RBM33: variants seen among roughly 807,000 people sequenced by gnomAD.
The protein encoded by RBM33 is RNA binding motif protein 33, also known as RNA-binding protein 33.
RBM33 carries 28 observed loss-of-function variants against 132.6 expected under a neutral mutation model. The ratio of observed to expected loss-of-function variants is 0.21; its 90% CI spans 0.16 to 0.29. The LOEUF is 0.29. RBM33 is among the 10% of genes least tolerant of loss of function. The pLI, the probability that RBM33 is intolerant of heterozygous loss-of-function variation, is 1.00. For missense variants in RBM33, 1,291 were observed against 1,518.5 expected, an observed-to-expected ratio of 0.85 and a Z score of 2.49; for synonymous variants, 634 against 593.0, an observed-to-expected ratio of 1.07 and a Z score of -1.01.
intron 3 of RBM33, among the ~76,000 whole-genome samples, chr7:155,673,571 C>A (rs865860767): frequency 3.6e-5 from 3 of 84,036 alleles, no homozygotes; most frequent in African/African-American, 1.1e-4. Flanking sequence ...CACACATATA[C>A]ATACACACGT....
At chr7:155,673,940 G>GTTGTTGTTTTTTTTTTGTTTTTT in intron 3 of RBM33, among the ~76,000 whole-genome samples, 12 of 54,198 alleles carry the variant, frequency 2.2e-4, no homozygotes, top group African/African-American at 9.1e-4. Flanking sequence ...TTTAGGCTTA[G>GTTGTTGTTTTTTTTTTGTTTTTT]TTTTTTTTTT....
chr7:155,719,459 T>C (rs1331699654), intron 9 of RBM33, among the ~76,000 whole-genome samples: 1 of 152,192 alleles, frequency 6.6e-6, no homozygotes, highest in East Asian at 1.9e-4. Context: ...AGAAATTTCT[T>C]TGACTTGTAG....
At chr7:155,648,958 G>C (rs961326389) in intron 1 of RBM33, among the ~76,000 whole-genome samples, 4 of 151,966 alleles carry the variant, frequency 2.6e-5, no homozygotes, top group African/African-American at 9.7e-5. Flanking sequence ...GCTTTTGATA[G>C]TGTGATCATA....
At chr7:155,735,438 C>T (rs943036748) in intron 9 of RBM33, among the ~76,000 whole-genome samples, 11 of 152,154 alleles carry the variant, frequency 7.2e-5, no homozygotes, top group Non-Finnish European at 1.5e-4. Context: ...GGTGTTGTGG[C>T]TCATGTCTGT....
chr7:155,767,232 A>G (rs897139761), intron 16 of RBM33, among the ~76,000 whole-genome samples: 2 of 152,254 alleles, frequency 1.3e-5, no homozygotes, highest in African/African-American at 4.8e-5. Context: ...AGGGTTTTCC[A>G]CGGAAACTCC....
At chr7:155,681,215 A>G (rs1799329234) in intron 5 of RBM33, among the ~76,000 whole-genome samples, 1 of 152,246 alleles carries the variant, frequency 6.6e-6, no homozygotes, top group Non-Finnish European at 1.5e-5. Context: ...TACTTAATGC[A>G]GAGCTTTTAT....
chr7:155,766,601 G>A lies in RBM33; in HGVS notation c.3321G>A (p.Ser1107=), dbSNP rs775477843. Residue 1107 remains serine (S), a synonymous_variant, in exon 16 of 18, where the codon TCG becomes TCA. Transcript: ENST00000401878. ...TGGTGTCTGTGGAGGGGCTGTCCTCGTCCACCACGGATGCCCAGCTGAAGA... is the reference window on the plus strand; with the variant it reads ...TGGTGTCTGTGGAGGGGCTGTCCTCATCCACCACGGATGCCCAGCTGAAGA... The part of the protein sequence containing the change: ...PCVVSVEGLS[S]STTDAQLKSL... 198 of 1,612,234 alleles carry A rather than the reference G, an allele frequency of 1.2e-4. 2 individuals are homozygous for A. The highest frequency in any genetic ancestry group is 1.6e-4 in the East Asian group (7 of 44,838).
Position 155,680,561 on chromosome 7 carries a change from CTTTT to C in RBM33, c.249-21_249-18del, listed in dbSNP as rs147986860. On this transcript the variant is annotated intron_variant, in intron 4 of 17. Transcript: ENST00000401878. ...TTTGAGCTCCTCTCTTCATTGGGTG[CTTTT>C]TTTTTTTATTTTCGTCCTCTCTAGT... 7 of 1,097,942 alleles carry C rather than the reference CTTTT, an allele frequency of 6.4e-6. No homozygotes were observed. In the South Asian group the frequency reaches 1.2e-4, roughly 19 times the overall value. The allele number at this position is 1,097,942 out of a possible 1,614,324, so 68.0% of individuals were successfully genotyped here. A position where few individuals can be genotyped will look rare whatever the true frequency, so the allele number is the denominator to read the frequency against.
intron 14 of RBM33, among the ~76,000 whole-genome samples, chr7:155,757,599 T>C (rs1430228233): frequency 6.6e-6 from 1 of 152,126 alleles, no homozygotes; most frequent in Non-Finnish European, 1.5e-5. Context: ...CCAGCGCTTA[T>C]TGTGTGACTG....
intron 1 of RBM33, 42 bp downstream of exon 1, chr7:155,644,961 C>G: frequency 1.4e-6 from 2 of 1,446,562 alleles, no homozygotes; most frequent in African/African-American, 1.5e-5. Flanking sequence ...GACCGCGCCG[C>G]GGTGGGCGGG....
intron 6 of RBM33, among the ~76,000 whole-genome samples, chr7:155,706,089 G>A (rs924452876): frequency 6.6e-5 from 10 of 152,156 alleles, no homozygotes; most frequent in East Asian, 5.8e-4. Context: ...GTGTTCTTGC[G>A]TCTATGTGCC....
chr7:155,748,942 G>A (rs150779520), intron 14 of RBM33, among the ~76,000 whole-genome samples: 14 of 152,202 alleles, frequency 9.2e-5, no homozygotes, highest in Non-Finnish European at 1.9e-4. Context: ...TTGGCATTGC[G>A]TTTTGCCGTT....
chr7:155,730,071 A>G (rs1257642518), intron 9 of RBM33, among the ~76,000 whole-genome samples: 1 of 152,210 alleles, frequency 6.6e-6, no homozygotes, highest in African/African-American at 2.4e-5. Context: ...ACAAACAGGC[A>G]TTTCATTCAT....
In RBM33 at chr7:155,749,241, T is replaced by A. The variant is rs564888713; in HGVS notation, c.2979+3639T>A. On this transcript the variant is annotated intron_variant, in intron 14 of 17. Coordinates refer to ENST00000401878, the MANE Select transcript of RBM33 (RefSeq NM_053043.3). ...ATAACTTCCCATTTTCTTTGTAGAATGCTTCTAAGGCCCCTTTTAGAAATA... is the reference window on the plus strand; with the variant it reads ...ATAACTTCCCATTTTCTTTGTAGAAAGCTTCTAAGGCCCCTTTTAGAAATA... 2.6e-5 allele frequency among the ~76,000 whole-genome samples: 4 copies of A among 152,362 alleles called. No homozygotes were observed. The East Asian group carries it at 7.7e-4, about 29-fold the overall frequency.
intron 14 of RBM33, among the ~76,000 whole-genome samples, chr7:155,751,501 C>T: frequency 6.6e-6 from 1 of 152,232 alleles, no homozygotes; most frequent in East Asian, 1.9e-4. Context: ...CAGGATCATG[C>T]ATTATATTCA....
At chr7:155,744,283 G>A (rs1801445708) in intron 13 of RBM33, among the ~76,000 whole-genome samples, 2 of 152,136 alleles carry the variant, frequency 1.3e-5, no homozygotes, top group South Asian at 4.1e-4. Flanking sequence ...TTCCCTATTG[G>A]ATGCTTTTTA....
At chr7:155,651,079 C>T (rs1325896744) in intron 1 of RBM33, among the ~76,000 whole-genome samples, 1 of 152,012 alleles carries the variant, frequency 6.6e-6, no homozygotes, top group Non-Finnish European at 1.5e-5. Flanking sequence ...GGTTTTGCCA[C>T]GTTGGCCAGG....
chr7:155,735,327 TGTA>T (rs1801081919), intron 9 of RBM33, among the ~76,000 whole-genome samples: 1 of 152,224 alleles, frequency 6.6e-6, no homozygotes, highest in Admixed American at 6.5e-5. Flanking sequence ...CTCATGCAGA[TGTA>T]GTAAGTAACA....
At chr7:155,677,479 G>A (rs1799217647) in intron 3 of RBM33, among the ~76,000 whole-genome samples, 1 of 152,058 alleles carries the variant, frequency 6.6e-6, no homozygotes, top group South Asian at 2.1e-4. Context: ...CAAAGTGTTG[G>A]GATTACAGGC....
Sources: gnomAD v4.1 joint callset for allele counts (sites outside exome capture counted in the v4.1 genomes callset) on GRCh38, gnomAD v4.1.1 for gene constraint, MANE v1.5 for transcripts, NCBI Gene and HGNC (gene_info 2026-07-23, HGNC 2026-07-21) for gene names.